The following L3MBTL4 variants were observed in gnomAD, a reference collection of about 807,000 sequenced individuals.
L3MBTL4 encodes lethal(3)malignant brain tumor-like protein 4.
In L3MBTL4, 70 loss-of-function variants were observed where a neutral mutation model predicts 84.5. That is an observed-to-expected ratio of 0.83 (90% CI 0.68 to 1.01). The LOEUF (loss-of-function observed/expected upper bound fraction) is 1.01. L3MBTL4 is among the 50% of genes least tolerant of loss of function. The pLI is 0.00. For missense variants in L3MBTL4, 715 were observed against 754.8 expected (o/e 0.95, Z 0.62); for synonymous variants, 274 against 259.8 (o/e 1.05, Z -0.52).
At chr18:6,232,628 A>C (rs2047044872) in intron 10 of L3MBTL4, among the ~76,000 whole-genome samples, 1 of 152,108 alleles carries the variant, frequency 6.6e-6, no homozygotes, top group African/African-American at 2.4e-5. Context: ...TCATGAATAA[A>C]ATGTGAGCAA....
chr18:6,250,155 G>A (rs930699988), intron 5 of L3MBTL4, among the ~76,000 whole-genome samples: 1 of 152,162 alleles, frequency 6.6e-6, no homozygotes, highest in Non-Finnish European at 1.5e-5. Context: ...TTTCTCATAT[G>A]AAATTGATTT....
At chr18:5,956,832 T>C (rs1246426169) in intron 18 of L3MBTL4, among the ~76,000 whole-genome samples, 1 of 152,194 alleles carries the variant, frequency 6.6e-6, no homozygotes, top group Non-Finnish European at 1.5e-5. Context: ...ATATCAGAAG[T>C]AAATAATACT....
Position 5,992,224 on chromosome 18 carries a change from G to C in L3MBTL4, c.1445-22662C>G, listed in dbSNP as rs1183859094. On this transcript the variant is annotated intron_variant, in intron 16 of 18. Transcript: ENST00000317931. ...GGCATGATGAGGAGCCCCGGGAGGG[G>C]AGGTTTGAGCTGGGCCCTCAGGTGG... Among the ~76,000 whole-genome samples, 3 of 152,192 alleles carry C rather than the reference G, an allele frequency of 2.0e-5. No individual in the cohort carries two copies. In the East Asian group the frequency reaches 5.8e-4, roughly 29 times the overall value.
intron 1 of L3MBTL4, among the ~76,000 whole-genome samples, chr18:6,404,923 T>C (rs948378463): frequency 6.6e-6 from 1 of 152,034 alleles, no homozygotes; most frequent in East Asian, 1.9e-4. Flanking sequence ...CTTGAACTCC[T>C]GGGCTCAAGC....
rs948405948 is a variant in L3MBTL4 at position 6,030,671 on chromosome 18, G to A, written c.1444+50210C>T. 11 of 951,448 alleles carry A rather than the reference G, an allele frequency of 1.2e-5. No individual in the cohort carries two copies. In the African/African-American group the frequency reaches 1.4e-4, roughly 12 times the overall value. The allele number at this position is 951,448 out of a possible 1,614,324, so 58.9% of individuals were successfully genotyped here. A position where few individuals can be genotyped will look rare whatever the true frequency, so the allele number is the denominator to read the frequency against. ...CTGCCACCACACCCGGCTAATTTTTGTCAAATAAAAAAATTTGTTTCAATT... is the reference window on the plus strand; with the variant it reads ...CTGCCACCACACCCGGCTAATTTTTATCAAATAAAAAAATTTGTTTCAATT... On this transcript the variant is annotated intron_variant, in intron 16 of 18. Transcript: ENST00000317931.
intron 16 of L3MBTL4, among the ~76,000 whole-genome samples, chr18:6,045,859 G>A (rs754522520): frequency 7.9e-5 from 12 of 152,080 alleles, no homozygotes; most frequent in Admixed American, 2.0e-4. Flanking sequence ...TAACAACTTC[G>A]CAGTAGGATC....
intron 16 of L3MBTL4, among the ~76,000 whole-genome samples, chr18:6,048,336 C>A (rs1427835426): frequency 6.6e-6 from 1 of 152,116 alleles, no homozygotes; most frequent in African/African-American, 2.4e-5. Context: ...TCAATGCTAT[C>A]CCTATCAAAC....
At chr18:6,207,617 T>C (rs1392876924) in intron 12 of L3MBTL4, among the ~76,000 whole-genome samples, 1 of 152,186 alleles carries the variant, frequency 6.6e-6, no homozygotes, top group Non-Finnish European at 1.5e-5. Context: ...TTTATAGTTT[T>C]ACCTACTCAA....
chr18:6,190,010 A>G (rs2044993287), intron 12 of L3MBTL4, among the ~76,000 whole-genome samples: 1 of 152,218 alleles, frequency 6.6e-6, no homozygotes, highest in Non-Finnish European at 1.5e-5. Flanking sequence ...AATGAATATC[A>G]ACCCACATGT....
At chr18:6,007,365 A>T (rs1408243883) in intron 16 of L3MBTL4, among the ~76,000 whole-genome samples, 1 of 151,616 alleles carries the variant, frequency 6.6e-6, no homozygotes, top group Non-Finnish European at 1.5e-5. Context: ...ACTTGTAATT[A>T]AAAAAAAACT....
At chr18:5,964,106 T>C (rs540016919) in intron 17 of L3MBTL4, among the ~76,000 whole-genome samples, 1 of 152,346 alleles carries the variant, frequency 6.6e-6, no homozygotes, top group African/African-American at 2.4e-5. Flanking sequence ...TCCCCCACAG[T>C]GCTGTGACCA....
intron 1 of L3MBTL4, among the ~76,000 whole-genome samples, chr18:6,406,662 G>A (rs2055748959): frequency 1.3e-5 from 2 of 152,120 alleles, no homozygotes; most frequent in Admixed American, 1.3e-4. Flanking sequence ...CGTGAGGTGA[G>A]GCAAGGAACA....
At chr18:6,066,417 T>C (rs953921704) in intron 16 of L3MBTL4, among the ~76,000 whole-genome samples, 2 of 152,168 alleles carry the variant, frequency 1.3e-5, no homozygotes, top group African/African-American at 4.8e-5. Flanking sequence ...GTTGAGTTTC[T>C]GTCTTGATGA....
intron 12 of L3MBTL4, among the ~76,000 whole-genome samples, chr18:6,208,273 G>T (rs1250784408): frequency 6.6e-6 from 1 of 152,122 alleles, no homozygotes; most frequent in Non-Finnish European, 1.5e-5. Flanking sequence ...TAATACTCCT[G>T]CAGGTTTTTC....
intron 15 of L3MBTL4, among the ~76,000 whole-genome samples, chr18:6,092,170 T>C (rs1309393663): frequency 1.3e-5 from 2 of 152,194 alleles, no homozygotes; most frequent in Non-Finnish European, 2.9e-5. Context: ...TCTACAGTCA[T>C]GTGCACAGAG....
intron 4 of L3MBTL4, 21 bp from the exon 5 acceptor site, chr18:6,264,059 A>T: frequency 1.3e-6 from 2 of 1,536,298 alleles, no homozygotes; most frequent in Non-Finnish European, 1.8e-6. Context: ...AAACACAATG[A>T]CTTTTCTCAA....
chr18:6,218,651 G>A (rs1046826478), intron 10 of L3MBTL4, among the ~76,000 whole-genome samples: 3 of 152,166 alleles, frequency 2.0e-5, no homozygotes, highest in African/African-American at 7.2e-5. Context: ...TTGCGTCTAT[G>A]CCACTCTCAG....
At chr18:6,005,022 T>TTTTTTTTTTTTTTTC (rs1239315866) in intron 16 of L3MBTL4, among the ~76,000 whole-genome samples, 1 of 139,644 alleles carries the variant, frequency 7.2e-6, no homozygotes, top group Non-Finnish European at 1.5e-5. Context: ...TTTTTTTTTT[T>TTTTTTTTTTTTTTTC]TTTTTACTTT....
intron 1 of L3MBTL4, among the ~76,000 whole-genome samples, chr18:6,404,437 G>C (rs913944805): frequency 6.6e-6 from 1 of 152,112 alleles, no homozygotes; most frequent in African/African-American, 2.4e-5. Flanking sequence ...GGAAATTCAG[G>C]CTCTGGGAAC....
Sources: allele counts gnomAD v4.1 joint callset (sites outside exome capture counted in the v4.1 genomes callset), GRCh38; gene constraint gnomAD v4.1.1; transcripts MANE v1.5; gene names NCBI Gene and HGNC (gene_info 2026-07-23, HGNC 2026-07-21).